The following POU2F3 variants were observed in gnomAD, a reference collection of about 807,000 sequenced individuals.
The protein encoded by POU2F3 is POU domain, class 2, transcription factor 3.
Under a neutral mutation model 59.2 loss-of-function variants are expected in POU2F3, and 23 were observed. That is an observed-to-expected ratio of 0.39 (90% CI 0.28 to 0.55). POU2F3 has a LOEUF of 0.55. Among genes scored for constraint, POU2F3 ranks in the 20% least tolerant of loss-of-function variants. The pLI is 0.66. For synonymous variants in POU2F3, 190 were observed against 214.6 expected (o/e 0.89, Z 1.00); for missense variants, 473 against 544.5 (o/e 0.87, Z 1.31).
At chr11:120,290,437 A>G (rs150849829) in intron 3 of POU2F3, among the ~76,000 whole-genome samples, 46 of 152,338 alleles carry the variant, frequency 3.0e-4, no homozygotes, top group African/African-American at 1.0e-3. Context: ...GGAGTGAACA[A>G]GCACCTCTCA....
chr11:120,302,478 G>A, intron 6 of POU2F3, 110 bp downstream of exon 6: 1 of 1,019,926 alleles, frequency 9.8e-7, no homozygotes, highest in Non-Finnish European at 1.5e-6. Flanking sequence ...CCTCTGGGGA[G>A]AGGGGATAGC....
intron 3 of POU2F3, among the ~76,000 whole-genome samples, chr11:120,275,343 A>G (rs1940274212): frequency 6.6e-6 from 1 of 152,116 alleles, no homozygotes; most frequent in Admixed American, 6.5e-5. Context: ...GTGCCCTGGC[A>G]GTTGTGTTCA....
At chr11:120,265,837 C>G (rs1939806633) in intron 2 of POU2F3, 1 of 152,254 alleles carries the variant, frequency 6.6e-6, no homozygotes, top group African/African-American at 2.4e-5. Flanking sequence ...AAGCCCCTCT[C>G]CTCTTACACT....
intron 1 of POU2F3, among the ~76,000 whole-genome samples, chr11:120,240,604 G>A (rs1176251691): frequency 3.3e-5 from 5 of 152,042 alleles, no homozygotes; most frequent in Non-Finnish European, 7.4e-5. Context: ...GGTGAAGGGC[G>A]GGAGGGCTTC....
At chr11:120,307,023 C>A (rs1272526074) in intron 8 of POU2F3, among the ~76,000 whole-genome samples, 1 of 152,242 alleles carries the variant, frequency 6.6e-6, no homozygotes, top group African/African-American at 2.4e-5. Context: ...CAGTCTGTCA[C>A]CAAGTGCCAT....
chr11:120,288,124 AAACC>A lies in POU2F3; in HGVS notation c.133-10138_133-10135del, dbSNP rs201147439. ...AAAGAAAGAAAGAAAACAAACAAAA[AAACC>A]AAAAAAAAAAAAAAAAAAAACAAGA... On this transcript the variant is annotated intron_variant, in intron 3 of 12. Transcript: ENST00000543440. Among the ~76,000 whole-genome samples the A allele has an allele frequency of 0.061, 3,578 of 58,628 alleles. 776 individuals are homozygous for A. The East Asian group carries it at 0.63, about 10-fold the overall frequency. The allele number at this position is 58,628 out of a possible 152,430, so 38.5% of individuals were successfully genotyped here. A position where few individuals can be genotyped will look rare whatever the true frequency, so the allele number is the denominator to read the frequency against.
chr11:120,297,139 T>A lies in POU2F3; in HGVS notation c.133-1126T>A, dbSNP rs11217805. On this transcript the variant is annotated intron_variant, in intron 3 of 12. Coordinates refer to ENST00000543440, the MANE Select transcript of POU2F3 (RefSeq NM_014352.4). ...AGGAGGGTCTCCCCAATATCTCTTA[T>A]AAGTATGGTCTAGAGCTCGTGCCCC... Among the ~76,000 whole-genome samples the A allele has an allele frequency of 0.033, 5,036 of 152,310 alleles. 1,235 individuals are homozygous for A. In the East Asian group the frequency reaches 0.65, roughly 20 times the overall value.
At position 120,305,071 on chromosome 11, in the gene POU2F3, C is replaced by T. The variant is rs1941449354; in HGVS notation, c.486C>T (p.Pro162=). ...GGCTGCCAGGATCCTCTTTAGAACC[C>T]CACCTGGAAGCATCCCAGCATCTCC... ...HPGLPGSSLE[P]HLEASQHLPV... is the part of the protein sequence containing the mutation. Residue 162 remains proline, a synonymous_variant, in exon 7 of 13, where the codon CCC becomes CCT. Coordinates refer to ENST00000543440, the MANE Select transcript of POU2F3 (RefSeq NM_014352.4). The T allele has an allele frequency of 2.5e-6, 4 of 1,613,466 alleles. No individual in the cohort carries two copies. The African/African-American group carries it at 5.4e-5, about 22-fold the overall frequency.
chr11:120,252,289 C>G (rs555850747), intron 2 of POU2F3, among the ~76,000 whole-genome samples: 8 of 151,218 alleles, frequency 5.3e-5, no homozygotes, highest in African/African-American at 1.9e-4. Flanking sequence ...TCACTGCAAC[C>G]TCCGCCTCCC....
At chr11:120,280,632 A>AAGAG (rs5795223) in intron 3 of POU2F3, among the ~76,000 whole-genome samples, 5,219 of 139,544 alleles carry the variant, frequency 0.037, 301 homozygotes, top group African/African-American at 0.13. Context: ...GAGAGAGAAA[A>AAGAG]AGAGAGAGAG....
At chr11:120,307,170 T>C (rs1213641298) in intron 8 of POU2F3, among the ~76,000 whole-genome samples, 1 of 152,202 alleles carries the variant, frequency 6.6e-6, no homozygotes, top group Non-Finnish European at 1.5e-5. Context: ...CACCGATGCA[T>C]GAGCATCCCT....
At chr11:120,309,331 T>C (rs1017386264) in intron 9 of POU2F3, 94 bp from the exon 10 acceptor site, 2 of 1,295,548 alleles carry the variant, frequency 1.5e-6, no homozygotes, top group African/African-American at 3.0e-5. Flanking sequence ...AAGCTTTTGA[T>C]CCATGTATAG....
At chr11:120,247,759 C>T (rs1458855980) in intron 2 of POU2F3, among the ~76,000 whole-genome samples, 1 of 152,138 alleles carries the variant, frequency 6.6e-6, no homozygotes. Flanking sequence ...AGATATAGTC[C>T]CCACACTGAC....
At chr11:120,281,045 C>T (rs1440372062) in intron 3 of POU2F3, among the ~76,000 whole-genome samples, 1 of 152,166 alleles carries the variant, frequency 6.6e-6, no homozygotes, top group Non-Finnish European at 1.5e-5. Flanking sequence ...CTCTTGTAAC[C>T]AACCAGAGAG....
At position 120,240,159 on chromosome 11, in the gene POU2F3, C is replaced by A. The variant is rs1938598743; in HGVS notation, c.-185C>A. ...CTGGGGAGTGTGGCAATCCTGGCGG[C>A]GCCGAGTGTTGCCCGGGCCGGAGCA... On this transcript the variant is annotated 5_prime_UTR_variant, in exon 1 of 13. Transcript: ENST00000543440. The A allele has an allele frequency of 3.1e-5, 37 of 1,206,120 alleles. No individual in the cohort carries two copies. Among genetic ancestry groups the A allele is most frequent in the Admixed American group, 4.4e-5 (1 of 22,520 alleles). 74.7% of individuals were successfully genotyped at this position (1,206,120 alleles called of 1,614,324 possible).
At chr11:120,299,922 C>G (rs1377501880) in intron 5 of POU2F3, among the ~76,000 whole-genome samples, 196 bp downstream of exon 5, 1 of 152,250 alleles carries the variant, frequency 6.6e-6, no homozygotes, top group South Asian at 2.1e-4. Context: ...GTCTCCTTCT[C>G]TGCTTCCCCT....
At chr11:120,316,241 G>C (rs1941786402) in intron 11 of POU2F3, among the ~76,000 whole-genome samples, 1 of 152,148 alleles carries the variant, frequency 6.6e-6, no homozygotes. Flanking sequence ...CCTATCCATA[G>C]AACACAGTTT....
intron 10 of POU2F3, among the ~76,000 whole-genome samples, chr11:120,312,616 T>G (rs1941680744): frequency 6.6e-6 from 1 of 152,194 alleles, no homozygotes; most frequent in African/African-American, 2.4e-5. Context: ...AACATGATAT[T>G]CATTCATTAT....
At position 120,305,678 on chromosome 11, in the gene POU2F3, G is replaced by A; in HGVS notation, c.662G>A (p.Gly221Asp). The change falls in exon 8 of 13, where the codon GGC becomes GAC. Residue 221 changes from glycine to aspartate, a missense_variant. Transcript: ENST00000543440. ...DVGLAMGKLY[G>D]NDFSQTTISR... ...GGGCTGGCGATGGGAAAGCTGTATGGCAACGACTTCAGCCAGACCACCATC... is the reference window on the plus strand; with the variant it reads ...GGGCTGGCGATGGGAAAGCTGTATGACAACGACTTCAGCCAGACCACCATC... 1 of 1,613,982 alleles carries A rather than the reference G, an allele frequency of 6.2e-7. No homozygotes were observed. The highest frequency in any genetic ancestry group is 8.5e-7 in the Non-Finnish European group (1 of 1,180,026).
Sources: gnomAD v4.1 joint callset for allele counts (sites outside exome capture counted in the v4.1 genomes callset) on GRCh38, gnomAD v4.1.1 for gene constraint, MANE v1.5 for transcripts, NCBI Gene and HGNC (gene_info 2026-07-23, HGNC 2026-07-21) for gene names.